Variants in TMEM107 observed in about 807,000 individuals in gnomAD.
The protein encoded by TMEM107 is transmembrane protein 107.
A neutral mutation model predicts 16.8 loss-of-function variants in TMEM107; 18 were observed. That is an observed-to-expected ratio of 1.07 (90% CI 0.74 to 1.59). The LOEUF (loss-of-function observed/expected upper bound fraction) is 1.59, where lower values mean the gene tolerates loss of function less well. Among genes scored for constraint, TMEM107 ranks in the 40% most tolerant of loss-of-function variants. The pLI, the probability that TMEM107 is intolerant of heterozygous loss-of-function variation, is 0.00. For synonymous variants in TMEM107, 68 were observed against 71.6 expected, an observed-to-expected ratio of 0.95 and a Z score of 0.25; for missense variants, 152 against 175.4, an observed-to-expected ratio of 0.87 and a Z score of 0.75.
At position 8,173,536 on chromosome 17, in the gene TMEM107, T is replaced by C. The variant is rs772145329; in HGVS notation, c.*667A>G. ...GTTTCATGCATCTCCAATCATCATG[T>C]TCTAATCTGCCCTCCGGAGGAGGAA... On this transcript the variant is annotated 3_prime_UTR_variant, in exon 5 of 5. Transcript: ENST00000437139. The C allele has an allele frequency of 5.1e-5, 39 of 765,424 alleles. No individual in the cohort carries two copies. Among genetic ancestry groups the C allele is most frequent in the East Asian group, 2.7e-4 (11 of 41,250 alleles). 47.4% of individuals were successfully genotyped at this position (765,424 alleles called of 1,614,324 possible). A position where few individuals can be genotyped will look rare whatever the true frequency, so the allele number is the denominator to read the frequency against.
rs143415092 is a variant in TMEM107 at position 8,172,855 on chromosome 17, CAAAA to C, written c.*1344_*1347del. 8.9e-5 allele frequency among the ~76,000 whole-genome samples: 4 copies of C among 44,810 alleles called. No individual in the cohort carries two copies. Among genetic ancestry groups the C allele is most frequent in the African/African-American group, 2.7e-4 (4 of 14,930 alleles). The allele number at this position is 44,810 out of a possible 152,430, so 29.4% of individuals were successfully genotyped here. ...CCTGGGCAACAGAGTGAGACTGTCTCAAAAAAAAAAAAAAAAAAAACCAAAAGAG... is the reference window on the plus strand; with the variant it reads ...CCTGGGCAACAGAGTGAGACTGTCTCAAAAAAAAAAAAAAAACCAAAAGAG... On this transcript the variant is annotated 3_prime_UTR_variant, in exon 5 of 5. Transcript: ENST00000437139.
chr17:8,173,425 A>C lies in TMEM107; in HGVS notation c.*778T>G, dbSNP rs763046457. 2 of 757,364 alleles carry C rather than the reference A, an allele frequency of 2.6e-6. No individual in the cohort carries two copies. The highest frequency in any genetic ancestry group is 1.4e-5 in the South Asian group (1 of 74,002). 46.9% of individuals were successfully genotyped at this position (757,364 alleles called of 1,614,324 possible). On this transcript the variant is annotated 3_prime_UTR_variant, in exon 5 of 5. Coordinates refer to ENST00000437139, the MANE Select transcript of TMEM107 (RefSeq NM_183065.4). ...TTTGTGGATATCTGCTAATCAGCATAACACAAATGTAAGTGATCGTCAGAA... is the reference window on the plus strand; with the variant it reads ...TTTGTGGATATCTGCTAATCAGCATCACACAAATGTAAGTGATCGTCAGAA...
rs1033657639 is a variant in TMEM107, at chr17:8,173,231, A to G, written c.*972T>C. 3 of 462,034 alleles carry G rather than the reference A, an allele frequency of 6.5e-6. No homozygotes were observed. The highest frequency in any genetic ancestry group is 2.0e-5 in the African/African-American group (1 of 50,484). 28.6% of individuals were successfully genotyped at this position (462,034 alleles called of 1,614,324 possible). On this transcript the variant is annotated 3_prime_UTR_variant, in exon 5 of 5. Transcript: ENST00000437139. Reference sequence around the variant, plus strand: ...AGTTATCAAACGACAAAAAACAAAGAGCCCATTTGTATTATTTCACTGCCT... The same window carrying G: ...AGTTATCAAACGACAAAAAACAAAGGGCCCATTTGTATTATTTCACTGCCT...
At position 8,173,303 on chromosome 17, in the gene TMEM107, A is replaced by C. The variant is rs1983716156; in HGVS notation, c.*900T>G. ...ACCAAATCACAATTTTCAAGAACAA[A>C]CAAATTTAGCAAGACTGCAAAATAG... is the stretch of plus-strand genomic sequence containing the variant. On this transcript the variant is annotated 3_prime_UTR_variant, in exon 5 of 5. Coordinates refer to ENST00000437139, the MANE Select transcript of TMEM107 (RefSeq NM_183065.4). The C allele has an allele frequency of 1.7e-5, 9 of 536,106 alleles. No individual in the cohort carries two copies. The highest frequency in any genetic ancestry group is 6.1e-5 in the Admixed American group (2 of 32,568). The allele number at this position is 536,106 out of a possible 1,614,324, so 33.2% of individuals were successfully genotyped here.
In TMEM107 at chr17:8,173,759, G is replaced by C. The variant is rs1298126748; in HGVS notation, c.*444C>G. ...TTTTTTTTCATTCGGCTGCCGAAAA[G>C]GAATAAATTACTTCTTCCCAGAATG... On this transcript the variant is annotated 3_prime_UTR_variant, in exon 5 of 5. Transcript: ENST00000437139. 5.4e-6 allele frequency: 3 copies of C among 551,236 alleles called. No homozygotes were observed. The highest frequency in any genetic ancestry group is 1.9e-5 in the African/African-American group (1 of 52,416). 34.1% of individuals were successfully genotyped at this position (551,236 alleles called of 1,614,324 possible). A position where few individuals can be genotyped will look rare whatever the true frequency, so the allele number is the denominator to read the frequency against.
rs1983931024 is a variant in TMEM107, at chr17:8,174,160, T to C, written c.*43A>G. Reference sequence around the variant, plus strand: ...TCTTCCAGGAATACGAAGCGGCCCTTGCCCCTGTAGGCTTCGTCCTTAGGT... The same window carrying C: ...TCTTCCAGGAATACGAAGCGGCCCTCGCCCCTGTAGGCTTCGTCCTTAGGT... On this transcript the variant is annotated 3_prime_UTR_variant, in exon 5 of 5. Coordinates refer to ENST00000437139, the MANE Select transcript of TMEM107 (RefSeq NM_183065.4). 6.3e-7 allele frequency: 1 copy of C among 1,579,742 alleles called. No homozygotes were observed. Among genetic ancestry groups the C allele is most frequent in the Non-Finnish European group, 8.7e-7 (1 of 1,148,800 alleles).
Position 8,173,165 on chromosome 17 carries a change from T to C in TMEM107, c.*1038A>G, listed in dbSNP as rs1004388575. The C allele has an allele frequency of 5.9e-6, 2 of 341,838 alleles. No individual in the cohort carries two copies. Among genetic ancestry groups the C allele is most frequent in the South Asian group, 3.1e-5 (1 of 31,828 alleles). 21.2% of individuals were successfully genotyped at this position (341,838 alleles called of 1,614,324 possible). On this transcript the variant is annotated 3_prime_UTR_variant, in exon 5 of 5. Coordinates refer to ENST00000437139, the MANE Select transcript of TMEM107 (RefSeq NM_183065.4). ...ACCACCATGTGCACAAGACTGCAGA[T>C]ATTTACTGATGTGCAATGTTTCCTG...
chr17:8,174,139 C>T lies in TMEM107; in HGVS notation c.*64G>A. ...AACCGAAGCCTATGCCTTCCTTCTT[C>T]CAGGAATACGAAGCGGCCCTTGCCC... On this transcript the variant is annotated 3_prime_UTR_variant, in exon 5 of 5. Coordinates refer to ENST00000437139, the MANE Select transcript of TMEM107 (RefSeq NM_183065.4). 1 of 1,462,170 alleles carries T rather than the reference C, an allele frequency of 6.8e-7. No individual in the cohort carries two copies. The highest frequency in any genetic ancestry group is 9.6e-7 in the Non-Finnish European group (1 of 1,042,564). 90.6% of individuals were successfully genotyped at this position (1,462,170 alleles called of 1,614,324 possible).
Position 8,176,379 on chromosome 17 carries a change from A to C in TMEM107, c.-93T>G. The C allele has an allele frequency of 9.9e-7, 1 of 1,010,446 alleles. No homozygotes were observed. The highest frequency in any genetic ancestry group is 1.5e-6 in the Non-Finnish European group (1 of 686,104). 62.6% of individuals were successfully genotyped at this position (1,010,446 alleles called of 1,614,324 possible). ...CCCGCAAGCCGACAAATCTAGACGA[A>C]CGCCTCCTTCCCGCCCGCTCAGGCA... is the stretch of plus-strand genomic sequence containing the variant. On this transcript the variant is annotated 5_prime_UTR_variant, in exon 1 of 5. Transcript: ENST00000437139.
rs1372283721 is a variant in TMEM107, at chr17:8,174,175, C to T, written c.*28G>A. The T allele has an allele frequency of 2.5e-6, 4 of 1,609,536 alleles. No homozygotes were observed. Among genetic ancestry groups the T allele is most frequent in the Non-Finnish European group, 3.4e-6 (4 of 1,175,804 alleles). On this transcript the variant is annotated 3_prime_UTR_variant, in exon 5 of 5. Transcript: ENST00000437139. ...AAGCGGCCCTTGCCCCTGTAGGCTT[C>T]GTCCTTAGGTTCCCGTCATGAAGGT... is the stretch of plus-strand genomic sequence containing the variant.
In TMEM107 at chr17:8,174,193, A is replaced by C. The variant is rs946112339; in HGVS notation, c.*10T>G. The C allele has an allele frequency of 6.2e-7, 1 of 1,613,472 alleles. No homozygotes were observed. Among genetic ancestry groups the C allele is most frequent in the Admixed American group, 1.7e-5 (1 of 60,006 alleles). ...TAGGCTTCGTCCTTAGGTTCCCGTC[A>C]TGAAGGTAATCAGAAGGGTTTCTTT... On this transcript the variant is annotated 3_prime_UTR_variant, in exon 5 of 5. Transcript: ENST00000437139.
At chr17:8,175,556 G>A (rs1212814495) in intron 3 of TMEM107, 2 of 667,290 alleles carry the variant, frequency 3.0e-6, no homozygotes, top group African/African-American at 3.5e-5. Context: ...TTACAGACGT[G>A]AGCCAACATG....
In TMEM107 at chr17:8,176,344, C is replaced by T. The variant is rs1282487653; in HGVS notation, c.-58G>A. 2.1e-6 allele frequency: 3 copies of T among 1,404,506 alleles called. No individual in the cohort carries two copies. The African/African-American group carries it at 4.3e-5, about 20-fold the overall frequency. The allele number at this position is 1,404,506 out of a possible 1,614,324, so 87.0% of individuals were successfully genotyped here. On this transcript the variant is annotated 5_prime_UTR_variant, in exon 1 of 5. Transcript: ENST00000437139. The stretch of plus-strand genomic sequence containing the variant: ...GCTGGAAGTTCAGAGACAGCGACTC[C>T]TGAAGTCTCCCCGCAAGCCGACAAA...
chr17:8,174,449 G>C, intron 4 of TMEM107, 71 bp downstream of exon 4: 1 of 1,487,402 alleles, frequency 6.7e-7, no homozygotes, highest in East Asian at 2.3e-5. Flanking sequence ...GAAAGGGCTG[G>C]GTAGGGGAAA....
rs117057308 is a variant in TMEM107, at chr17:8,173,555, G to C, written c.*648C>G. Reference sequence around the variant, plus strand: ...ATCATGTTCTAATCTGCCCTCCGGAGGAGGAACAGGTAAGGATTATCCCAC... The same window carrying C: ...ATCATGTTCTAATCTGCCCTCCGGACGAGGAACAGGTAAGGATTATCCCAC... On this transcript the variant is annotated 3_prime_UTR_variant, in exon 5 of 5. Coordinates refer to ENST00000437139, the MANE Select transcript of TMEM107 (RefSeq NM_183065.4). The C allele has an allele frequency of 1.3e-5, 10 of 765,244 alleles. No individual in the cohort carries two copies. Among genetic ancestry groups the C allele is most frequent in the East Asian group, 4.8e-5 (2 of 41,258 alleles). The allele number at this position is 765,244 out of a possible 1,614,324, so 47.4% of individuals were successfully genotyped here. A position where few individuals can be genotyped will look rare whatever the true frequency, so the allele number is the denominator to read the frequency against.
chr17:8,175,489 T>C lies in TMEM107; in HGVS notation c.256+268A>G, dbSNP rs574932980. 3.1e-5 allele frequency: 19 copies of C among 606,644 alleles called. No individual in the cohort carries two copies. In the African/African-American group the frequency reaches 3.1e-4, roughly 10 times the overall value. The allele number at this position is 606,644 out of a possible 1,614,324, so 37.6% of individuals were successfully genotyped here. ...GGGTTTTTATTATTCCTATTATTTT[T>C]GTAGACTTGGGTTCTCACTATGTTG... On this transcript the variant is annotated intron_variant, in intron 3 of 4. Transcript: ENST00000437139.
Position 8,173,527 on chromosome 17 carries a change from A to G in TMEM107, c.*676T>C, listed in dbSNP as rs761878851. 1.0e-5 allele frequency: 8 copies of G among 765,426 alleles called. No homozygotes were observed. The highest frequency in any genetic ancestry group is 2.3e-4 in the Middle Eastern group (1 of 4,408). 47.4% of individuals were successfully genotyped at this position (765,426 alleles called of 1,614,324 possible). On this transcript the variant is annotated 3_prime_UTR_variant, in exon 5 of 5. Coordinates refer to ENST00000437139, the MANE Select transcript of TMEM107 (RefSeq NM_183065.4). ...GTTAATCACGTTTCATGCATCTCCA[A>G]TCATCATGTTCTAATCTGCCCTCCG... is the stretch of plus-strand genomic sequence containing the variant.
rs1330953961 is a variant in TMEM107 at position 8,173,707 on chromosome 17, CA to C, written c.*495del. 1 of 595,286 alleles carries C rather than the reference CA, an allele frequency of 1.7e-6. No individual in the cohort carries two copies. Among genetic ancestry groups the C allele is most frequent in the Non-Finnish European group, 3.0e-6 (1 of 333,282 alleles). The allele number at this position is 595,286 out of a possible 1,614,324, so 36.9% of individuals were successfully genotyped here. Reference sequence around the variant, plus strand: ...TTTAGCGTCCTTCCAGTTGTTTTGCCATATTAGCTCGCACATTTTTTTAAAT... The same window carrying C: ...TTTAGCGTCCTTCCAGTTGTTTTGCCTATTAGCTCGCACATTTTTTTAAAT... On this transcript the variant is annotated 3_prime_UTR_variant, in exon 5 of 5. Coordinates refer to ENST00000437139, the MANE Select transcript of TMEM107 (RefSeq NM_183065.4).
intron 3 of TMEM107, chr17:8,175,425 T>G: frequency 5.5e-6 from 3 of 546,868 alleles, no homozygotes; most frequent in Non-Finnish European, 6.6e-6. Flanking sequence ...GAATTACAGA[T>G]TTGTATCTAC....
Sources: gnomAD v4.1 joint callset for allele counts (sites outside exome capture counted in the v4.1 genomes callset) on GRCh38, gnomAD v4.1.1 for gene constraint, MANE v1.5 for transcripts, NCBI Gene and HGNC (gene_info 2026-07-23, HGNC 2026-07-21) for gene names.